The following OSBPL9 variants were observed in gnomAD, a reference collection of about 807,000 sequenced individuals.
OSBPL9 encodes the protein oxysterol binding protein like 9.
OSBPL9 carries 40 observed loss-of-function variants against 106.6 expected under a neutral mutation model. The ratio of observed to expected loss-of-function variants is 0.38; its 90% CI spans 0.29 to 0.49. OSBPL9 has a LOEUF of 0.49. Among genes scored for constraint, OSBPL9 ranks in the 20% least tolerant of loss-of-function variants. OSBPL9 has a pLI of 0.97. For synonymous variants in OSBPL9, 269 were observed against 295.4 expected, an observed-to-expected ratio of 0.91 and a Z score of 0.92; for missense variants, 609 against 887.2, an observed-to-expected ratio of 0.69 and a Z score of 3.98.
intron 3 of OSBPL9, among the ~76,000 whole-genome samples, chr1:51,711,523 C>G (rs1172799103): frequency 8.4e-6 from 1 of 118,882 alleles, no homozygotes. Flanking sequence ...TGACCCCCCA[C>G]CTCCCTCCCG....
chr1:51,640,276 T>C (rs1645704392), intron 1 of OSBPL9, among the ~76,000 whole-genome samples: 1 of 152,252 alleles, frequency 6.6e-6, no homozygotes, highest in Non-Finnish European at 1.5e-5. Flanking sequence ...AACAGGTTTT[T>C]ATTGATTGCA....
intron 4 of OSBPL9, among the ~76,000 whole-genome samples, chr1:51,739,706 C>T (rs1351761301): frequency 3.3e-5 from 5 of 151,936 alleles, no homozygotes; most frequent in Non-Finnish European, 1.5e-5. Flanking sequence ...AATCTTAACC[C>T]CAGAACTTCC....
intron 1 of OSBPL9, among the ~76,000 whole-genome samples, chr1:51,623,284 A>C (rs1009043309): frequency 1.3e-5 from 2 of 152,184 alleles, no homozygotes; most frequent in African/African-American, 4.8e-5. Flanking sequence ...TGTGGAATGG[A>C]GGGGAACAGT....
At chr1:51,630,420 A>T (rs1040500287) in intron 1 of OSBPL9, among the ~76,000 whole-genome samples, 20 of 152,104 alleles carry the variant, frequency 1.3e-4, no homozygotes, top group Non-Finnish European at 1.2e-4. Context: ...CTACAACATT[A>T]CTGTACTGAA....
chr1:51,716,552 G>T (rs1025601225), intron 4 of OSBPL9, among the ~76,000 whole-genome samples: 26 of 152,196 alleles, frequency 1.7e-4, no homozygotes, highest in African/African-American at 6.0e-4. Context: ...AATGTTAGTT[G>T]CCATTACAAT....
At chr1:51,668,291 A>G (rs1391599172) in intron 2 of OSBPL9, among the ~76,000 whole-genome samples, 1 of 152,140 alleles carries the variant, frequency 6.6e-6, no homozygotes, top group African/African-American at 2.4e-5. Flanking sequence ...TCTTATCTTA[A>G]TTCCTGTTGT....
intron 14 of OSBPL9, among the ~76,000 whole-genome samples, chr1:51,774,013 T>G (rs1674516870): frequency 6.6e-6 from 1 of 152,074 alleles, no homozygotes; most frequent in South Asian, 2.1e-4. Flanking sequence ...AGTGGCTCAT[T>G]AGGCTTCCTG....
chr1:51,626,710 G>A (rs181347595), intron 1 of OSBPL9, among the ~76,000 whole-genome samples: 4 of 151,694 alleles, frequency 2.6e-5, no homozygotes, highest in Admixed American at 2.6e-4. Context: ...GGTAGAGTTA[G>A]GGTCCCACTG....
intron 3 of OSBPL9, among the ~76,000 whole-genome samples, chr1:51,713,534 G>A (rs1423663840): frequency 6.6e-6 from 1 of 152,048 alleles, no homozygotes; most frequent in Non-Finnish European, 1.5e-5. Context: ...ACCAGCTTCC[G>A]CCACACACTG....
intron 1 of OSBPL9, among the ~76,000 whole-genome samples, chr1:51,644,620 G>T (rs557586580): frequency 6.6e-6 from 1 of 152,114 alleles, no homozygotes; most frequent in Non-Finnish European, 1.5e-5. Flanking sequence ...GAGCCACCGC[G>T]CCCAGCCCAT....
At chr1:51,633,567 G>A (rs1570674493) in intron 1 of OSBPL9, among the ~76,000 whole-genome samples, 1 of 151,246 alleles carries the variant, frequency 6.6e-6, no homozygotes, top group East Asian at 2.0e-4. Context: ...CTCCAGCCCG[G>A]GCAACAGAGC....
In OSBPL9 at chr1:51,787,970, T is replaced by G; in HGVS notation, c.*181T>G. 1.7e-6 allele frequency: 1 copy of G among 579,092 alleles called. No individual in the cohort carries two copies. Among genetic ancestry groups the G allele is most frequent in the Middle Eastern group, 4.6e-4 (1 of 2,186 alleles). 35.9% of individuals were successfully genotyped at this position (579,092 alleles called of 1,614,324 possible). ...TAAGGGGAAAAGCTTCCCTTTTCCC[T>G]CTGTGGCAGTTACGATTTTGACTTC... On this transcript the variant is annotated 3_prime_UTR_variant, in exon 24 of 24. Transcript: ENST00000428468.
intron 3 of OSBPL9, among the ~76,000 whole-genome samples, chr1:51,689,436 T>C (rs1194939797): frequency 2.6e-5 from 4 of 152,204 alleles, no homozygotes; most frequent in Non-Finnish European, 5.9e-5. Context: ...CTGAAACTCT[T>C]AGCCTTGGTA....
At chr1:51,782,520 T>G (rs770797150) in intron 16 of OSBPL9, 39 bp from the exon 17 acceptor site, 2 of 1,588,762 alleles carry the variant, frequency 1.3e-6, no homozygotes, top group Non-Finnish European at 1.7e-6. Flanking sequence ...TCATTTGTGT[T>G]TTCTCATCAA....
At chr1:51,731,481 G>C (rs773630656) in intron 4 of OSBPL9, among the ~76,000 whole-genome samples, 1 of 151,566 alleles carries the variant, frequency 6.6e-6, no homozygotes, top group Non-Finnish European at 1.5e-5. Context: ...ACAAAAAGGC[G>C]GGCGCAGTAG....
At chr1:51,559,664 G>C in the OSBPL9 span, among the ~76,000 whole-genome samples, 1 of 152,192 alleles carries the variant, frequency 6.6e-6, no homozygotes, top group Admixed American at 6.5e-5. Context: ...TACAGAGGTT[G>C]ATAGAACCCA....
intron 2 of OSBPL9, among the ~76,000 whole-genome samples, chr1:51,656,828 T>G (rs1201248396): frequency 1.3e-5 from 2 of 148,738 alleles, no homozygotes; most frequent in Admixed American, 1.3e-4. Context: ...CCTGGCTAAT[T>G]AAAATTTTTT....
At chr1:51,634,451 T>C (rs1256407477) in intron 1 of OSBPL9, among the ~76,000 whole-genome samples, 1 of 152,222 alleles carries the variant, frequency 6.6e-6, no homozygotes, top group Admixed American at 6.5e-5. Flanking sequence ...GTCGAGGTTG[T>C]AGGGAAGTTG....
At chr1:51,695,149 C>T (rs182165839) in intron 3 of OSBPL9, among the ~76,000 whole-genome samples, 8 of 152,216 alleles carry the variant, frequency 5.3e-5, no homozygotes, top group African/African-American at 1.4e-4. Flanking sequence ...AATATTTACT[C>T]GAGGGTCAAA....
Sources: allele counts gnomAD v4.1 joint callset (sites outside exome capture counted in the v4.1 genomes callset), GRCh38; gene constraint gnomAD v4.1.1; transcripts MANE v1.5; gene names NCBI Gene and HGNC (gene_info 2026-07-23, HGNC 2026-07-21).